The following MYO19 variants were observed in gnomAD, a reference collection of about 807,000 sequenced individuals.
MYO19 encodes myosin XIX, also known as unconventional myosin-XIX.
Under a neutral mutation model 129.2 loss-of-function variants are expected in MYO19, and 132 were observed. The observed-to-expected ratio is 1.02, with a 90% confidence interval of 0.89 to 1.18. The LOEUF (loss-of-function observed/expected upper bound fraction) is 1.18, where lower values mean the gene tolerates loss of function less well. Ranked by LOEUF, MYO19 falls within the 50% of genes most tolerant of loss-of-function variation. The pLI is 0.00. For missense variants in MYO19, 1,210 were observed against 1,216.7 expected (o/e 0.99, Z 0.08); for synonymous variants, 531 against 477.2 (o/e 1.11, Z -1.47).
intron 4 of MYO19, 124 bp from the exon 5 acceptor site, chr17:36,527,823 G>A: frequency 2.6e-6 from 3 of 1,164,916 alleles, no homozygotes; most frequent in East Asian, 2.6e-5. Context: ...AATCCCAGCA[G>A]CTCCCTGAAG....
At position 36,507,880 on chromosome 17, in the gene MYO19, G is replaced by C. The variant is rs770111947; in HGVS notation, c.1276C>G (p.Leu426Val). ...GCGTAGTTGATGCACAACTGTTCCA[G>C]ACTGTTGTCAGGAAATGATTCAAAT... ...YGFESFPDNS[L>V]EQLCINYANE... Residue 426 changes from leucine to valine, a missense_variant, in exon 15 of 26, where the codon CTG becomes GTG. Coordinates refer to ENST00000614623, the MANE Select transcript of MYO19 (RefSeq NM_001163735.2). The C allele has an allele frequency of 3.7e-6, 6 of 1,612,718 alleles. No homozygotes were observed.
chr17:36,496,720 A>G (rs1047650506), intron 25 of MYO19, among the ~76,000 whole-genome samples: 3 of 152,164 alleles, frequency 2.0e-5, no homozygotes, highest in Non-Finnish European at 2.9e-5. Context: ...TAAGGCCTAT[A>G]GTTATTCCTC....
chr17:36,500,667 T>TAC (rs2071452499), intron 23 of MYO19, 163 bp downstream of exon 23: 2 of 991,554 alleles, frequency 2.0e-6, no homozygotes, highest in Non-Finnish European at 2.9e-6. Context: ...AGAGACGTTA[T>TAC]GAGTGAGGGG....
chr17:36,529,592 C>T (rs1334493550), intron 3 of MYO19, among the ~76,000 whole-genome samples: 1 of 152,180 alleles, frequency 6.6e-6, no homozygotes, highest in Non-Finnish European at 1.5e-5. Flanking sequence ...AAACTGTTGC[C>T]TGTTCTCTGA....
At chr17:36,537,492 TGTTTCC>T, upstream of MYO19, 1 of 1,614,218 alleles carries the variant, frequency 6.2e-7, no homozygotes, top group Non-Finnish European at 8.5e-7. Context: ...AGCCATCTCC[TGTTTCC>T]GTGTAATTAC....
chr17:36,507,042 C>T lies in MYO19; in HGVS notation c.1565G>A (p.Ser522Asn). ...GSPCLGHNKL[S>N]REPSFIVVHY... ...CACCACAATGAAGCTGGGCTCCCGG[C>T]TGAGCTTATTGTGGCCCAGGCAGGG... is the stretch of plus-strand genomic sequence containing the variant. Residue 522 changes from serine to asparagine, a missense_variant, in exon 17 of 26, where the codon AGC becomes AAC. Transcript: ENST00000614623. 1 of 1,613,744 alleles carries T rather than the reference C, an allele frequency of 6.2e-7. No individual in the cohort carries two copies. The highest frequency in any genetic ancestry group is 1.1e-5 in the South Asian group (1 of 91,084).
Position 36,515,943 on chromosome 17 carries a change from G to A in MYO19, c.462C>T (p.Thr154=), listed in dbSNP as rs1415771695. The change falls in exon 7 of 26, where the codon ACC becomes ACT. Residue 154 remains threonine (T), a synonymous_variant. Transcript: ENST00000614623. ...CLMKFYAVVA[T]SPASWESHKI... is the part of the protein sequence containing the mutation. ...TGTGGCTCTCCCAAGATGCAGGTGA[G>A]GTGGCCACCACAGCATAGAACTTCA... The A allele has an allele frequency of 2.5e-6, 4 of 1,613,608 alleles. No homozygotes were observed. Among genetic ancestry groups the A allele is most frequent in the Non-Finnish European group, 3.4e-6 (4 of 1,179,776 alleles).
intron 3 of MYO19, among the ~76,000 whole-genome samples, chr17:36,529,750 A>C (rs565950002): frequency 6.6e-6 from 1 of 152,256 alleles, no homozygotes; most frequent in East Asian, 1.9e-4. Flanking sequence ...ACAAACACAG[A>C]CACAATTTAT....
intron 19 of MYO19, 95 bp from the exon 20 acceptor site, chr17:36,504,115 G>A: frequency 1.0e-6 from 1 of 983,764 alleles, no homozygotes; most frequent in Non-Finnish European, 1.4e-6. Context: ...ACCCTGGCCA[G>A]TGCCAAGCTG....
chr17:36,511,324 T>G, intron 12 of MYO19, 41 bp downstream of exon 12: 1 of 1,549,310 alleles, frequency 6.5e-7, no homozygotes, highest in Non-Finnish European at 8.7e-7. Context: ...GCTGGCTACC[T>G]TCCTGACAGG....
rs564763793 is a variant in MYO19, at chr17:36,518,975, C to T, written c.415-2985G>A. Among the ~76,000 whole-genome samples the T allele has an allele frequency of 4.5e-3, 689 of 152,178 alleles. 2 individuals are homozygous for T. The highest frequency in any genetic ancestry group is 7.9e-3 in the Non-Finnish European group (536 of 67,988). On this transcript the variant is annotated intron_variant, in intron 6 of 25. Coordinates refer to ENST00000614623, the MANE Select transcript of MYO19 (RefSeq NM_001163735.2). ...GGAACATAGTTTGTATCATTTTAAT[C>T]TTTTTGTTTTTTGTTTTTAGACAGA...
upstream of MYO19, chr17:36,539,137 A>C (rs2074181610): frequency 6.0e-6 from 1 of 167,134 alleles, no homozygotes; most frequent in South Asian, 2.1e-4. Context: ...ATTAAGTAGT[A>C]TTTTAAAGAA....
Position 36,498,359 on chromosome 17 carries a change from A to G in MYO19, c.2664T>C (p.Ala888=). The change falls in exon 25 of 26, where the codon GCT becomes GCC. Residue 888 remains alanine (A), a synonymous_variant. Transcript: ENST00000614623. The stretch of plus-strand genomic sequence containing the variant: ...GGCTGCCCCTGGGGAGCTGGAGGCA[A>G]GCCCAGACCACTAATTTCCTCTGAA... The part of the protein sequence containing the change: ...GSFQRKLVVW[A]CLQLPRGSPS... The G allele has an allele frequency of 6.2e-7, 1 of 1,614,042 alleles. No homozygotes were observed. Among genetic ancestry groups the G allele is most frequent in the Non-Finnish European group, 8.5e-7 (1 of 1,179,902 alleles).
Position 36,507,120 on chromosome 17 carries a change from G to A in MYO19, c.1487C>T (p.Pro496Leu). Residue 496 changes from proline (P) to leucine (L), a missense_variant, in exon 17 of 26, where the codon CCC becomes CTC. Pro to Leu is a moderately conservative substitution (Grantham distance 98, BLOSUM62 -3). Coordinates refer to ENST00000614623, the MANE Select transcript of MYO19 (RefSeq NM_001163735.2). Reference protein sequence around the residue: ...LINEECRLNRPSSAAQLQTRI... With the variant: ...LINEECRLNRLSSAAQLQTRI... ...TGTCTGGAGCTGGGCTGCGCTGCTG[G>A]GTCGATTGAGGCGGCATTCCTGTGG... 1.2e-6 allele frequency: 2 copies of A among 1,604,380 alleles called. No homozygotes were observed. Among genetic ancestry groups the A allele is most frequent in the South Asian group, 1.1e-5 (1 of 90,760 alleles).
chr17:36,506,063 A>G (rs1258117350), intron 18 of MYO19, among the ~76,000 whole-genome samples: 4 of 152,194 alleles, frequency 2.6e-5, no homozygotes, highest in African/African-American at 9.7e-5. Flanking sequence ...GGGGCGGTAC[A>G]TGCAAGGACT....
rs769031379 is a variant in MYO19, at chr17:36,513,494, CAAAACAATCCTCTGA to C, written c.818-4_828del. On this transcript the variant is annotated splice_acceptor_variant and splice_polypyrimidine_tract_variant and coding_sequence_variant and intron_variant, in exon 11 of 26. Coordinates refer to ENST00000614623, the MANE Select transcript of MYO19 (RefSeq NM_001163735.2). LOFTEE classifies it high-confidence loss of function. ...TGGAGCATGGCCTCTCTGGTCACCT[CAAAACAATCCTCTGA>C]AAAAGAATCCAAGTTCGGGGCAGAG... The C allele has an allele frequency of 6.2e-7, 1 of 1,613,814 alleles. No individual in the cohort carries two copies.
At chr17:36,540,303 A>G (rs1162931633) in intron 2 of MYO19, among the ~76,000 whole-genome samples, 1 of 152,032 alleles carries the variant, frequency 6.6e-6, no homozygotes, top group Admixed American at 6.6e-5. Context: ...CTCCCATCAC[A>G]GCCTCCCAAA....
intron 5 of MYO19, 35 bp downstream of exon 5, chr17:36,527,516 G>A (rs774063782): frequency 3.7e-6 from 6 of 1,602,758 alleles, no homozygotes; most frequent in African/African-American, 1.3e-5. Flanking sequence ...GGAGGTAGAG[G>A]AGCCCTGAGG....
Position 36,507,493 on chromosome 17 carries a change from C to A in MYO19, c.1373G>T (p.Gly458Val), listed in dbSNP as rs1179477563. Residue 458 changes from glycine (G) to valine (V), a missense_variant, in exon 16 of 26, where the codon GGC becomes GTC. By Grantham distance (109) the Gly-to-Val change is moderately radical. Transcript: ENST00000614623. ...GTAGTTGATGAATGACCACTCCAGG[C>A]CCTCAACTGCGTATTCCTCCTAAAG... Reference protein sequence around the residue: ...RAQQEEYAVEGLEWSFINYQD... With the variant: ...RAQQEEYAVEVLEWSFINYQD... 2 of 1,613,624 alleles carry A rather than the reference C, an allele frequency of 1.2e-6. No homozygotes were observed. The highest frequency in any genetic ancestry group is 3.3e-5 in the Admixed American group (2 of 59,998).
Sources: allele counts gnomAD v4.1 joint callset (sites outside exome capture counted in the v4.1 genomes callset), GRCh38; gene constraint gnomAD v4.1.1; transcripts MANE v1.5; gene names NCBI Gene and HGNC (gene_info 2026-07-23, HGNC 2026-07-21).